The following FGF1 variants were observed in gnomAD, a reference collection of about 807,000 sequenced individuals.
FGF1 encodes the protein beta-endothelial cell growth factor.
Under a neutral mutation model 13.4 loss-of-function variants are expected in FGF1, and 9 were observed. The ratio of observed to expected loss-of-function variants is 0.67; its 90% confidence interval spans 0.40 to 1.17. The LOEUF (loss-of-function observed/expected upper bound fraction) is 1.17. FGF1 is among the 50% of genes most tolerant of loss of function. The probability of loss-of-function intolerance (pLI) is 0.01; values close to 1 mark genes in which losing one functional copy is unlikely to be tolerated. For synonymous variants in FGF1, 93 were observed against 79.0 expected, an observed-to-expected ratio of 1.18 and a Z score of -0.94; for missense variants, 156 against 192.7, an observed-to-expected ratio of 0.81 and a Z score of 1.13.
At chr5:142,628,721 T>C (rs1291723505) in intron 1 of FGF1, among the ~76,000 whole-genome samples, 2 of 152,214 alleles carry the variant, frequency 1.3e-5, no homozygotes, top group Non-Finnish European at 2.9e-5. Flanking sequence ...CACTGCCCCC[T>C]GTCATGTTTA....
chr5:142,670,997 C>A (rs1289841616), intron 1 of FGF1, among the ~76,000 whole-genome samples: 1 of 152,172 alleles, frequency 6.6e-6, no homozygotes, highest in South Asian at 2.1e-4. Context: ...CTACACAATT[C>A]CACCAGGATC....
In FGF1 at chr5:142,651,033, C is replaced by T. The variant is rs17223332; in HGVS notation, c.-35+34924G>A. 3.5e-3 allele frequency among the ~76,000 whole-genome samples: 540 copies of T among 152,222 alleles called. 4 individuals are homozygous for T. Among genetic ancestry groups the T allele is most frequent in the African/African-American group, 0.011 (475 of 41,540 alleles). ...TGTGTTAATGGGAGGGTGGTGCAAACGCAGCTTCAATGTCTCCTCCCTATT... is the reference window on the plus strand; with the variant it reads ...TGTGTTAATGGGAGGGTGGTGCAAATGCAGCTTCAATGTCTCCTCCCTATT... On this transcript the variant is annotated intron_variant, in intron 1 of 3. Coordinates refer to ENST00000337706, the MANE Select transcript of FGF1 (RefSeq NM_000800.5).
chr5:142,625,390 T>G (rs1762290600), intron 1 of FGF1, among the ~76,000 whole-genome samples: 1 of 152,080 alleles, frequency 6.6e-6, no homozygotes, highest in Non-Finnish European at 1.5e-5. Flanking sequence ...CTTGATTCTG[T>G]ATGTTTTTTC....
intron 1 of FGF1, among the ~76,000 whole-genome samples, chr5:142,675,333 G>A (rs748394023): frequency 1.3e-5 from 2 of 152,146 alleles, no homozygotes; most frequent in Admixed American, 6.5e-5. Context: ...GTGAAAGGAT[G>A]GGCTGAGGGG....
At chr5:142,619,661 C>T (rs953571029) in intron 1 of FGF1, among the ~76,000 whole-genome samples, 1 of 152,016 alleles carries the variant, frequency 6.6e-6, no homozygotes, top group African/African-American at 2.4e-5. Flanking sequence ...TGGAGAAACC[C>T]CGTCTCTACT....
At chr5:142,630,097 T>C in intron 1 of FGF1, among the ~76,000 whole-genome samples, 1 of 152,046 alleles carries the variant, frequency 6.6e-6, no homozygotes, top group East Asian at 1.9e-4. Context: ...TCTCACCATG[T>C]TAGCCAGGAT....
chr5:142,674,610 C>T (rs762446335), intron 1 of FGF1, among the ~76,000 whole-genome samples: 20 of 152,238 alleles, frequency 1.3e-4, no homozygotes, highest in East Asian at 5.8e-4. Flanking sequence ...GATGTGGGAC[C>T]GGCCAGGAAG....
At chr5:142,622,375 C>T (rs1761793416) in intron 1 of FGF1, among the ~76,000 whole-genome samples, 1 of 152,174 alleles carries the variant, frequency 6.6e-6, no homozygotes, top group Non-Finnish European at 1.5e-5. Context: ...AACATCTTAT[C>T]AGACTACCTA....
intron 2 of FGF1, among the ~76,000 whole-genome samples, chr5:142,696,143 G>A (rs1753077627): frequency 6.6e-6 from 1 of 152,152 alleles, no homozygotes; most frequent in Non-Finnish European, 1.5e-5. Flanking sequence ...GGATCTCTAG[G>A]AATAACATGC....
chr5:142,689,073 A>G (rs557456143), upstream of FGF1, among the ~76,000 whole-genome samples: 3 of 152,364 alleles, frequency 2.0e-5, no homozygotes, highest in East Asian at 5.8e-4. Flanking sequence ...CTCTCCAGGC[A>G]GAACATAAGC....
intron 1 of FGF1, among the ~76,000 whole-genome samples, chr5:142,662,650 A>T (rs756142524): frequency 1.1e-4 from 16 of 152,282 alleles, no homozygotes; most frequent in Non-Finnish European, 1.8e-4. Flanking sequence ...TCATTCATTC[A>T]TTCAGCACAT....
upstream of FGF1, among the ~76,000 whole-genome samples, chr5:142,689,564 C>T (rs1464137214): frequency 6.6e-6 from 1 of 152,142 alleles, no homozygotes; most frequent in Non-Finnish European, 1.5e-5. Flanking sequence ...TTGCCCGCCG[C>T]TGGTTAGCCT....
chr5:142,592,615 C>T lies in FGF1; in HGVS notation c.*2675G>A, dbSNP rs979129505. 1.5e-5 allele frequency: 6 copies of T among 395,320 alleles called. No individual in the cohort carries two copies. The highest frequency in any genetic ancestry group is 2.7e-5 in the Non-Finnish European group (6 of 224,498). The allele number at this position is 395,320 out of a possible 1,614,324, so 24.5% of individuals were successfully genotyped here. A position where few individuals can be genotyped will look rare whatever the true frequency, so the allele number is the denominator to read the frequency against. On this transcript the variant is annotated 3_prime_UTR_variant, in exon 4 of 4. Transcript: ENST00000337706. ...CTTAAGACAGCAATGGGAATGTCCC[C>T]AGGTTAATAAACTAGAGCATGTTCA...
At chr5:142,619,070 G>C (rs1760910065) in intron 1 of FGF1, among the ~76,000 whole-genome samples, 1 of 151,742 alleles carries the variant, frequency 6.6e-6, no homozygotes, top group Non-Finnish European at 1.5e-5. Context: ...GAGTAGCTGG[G>C]ACTACAGGCG....
At chr5:142,612,458 G>A (rs974415265) in intron 2 of FGF1, among the ~76,000 whole-genome samples, 1 of 152,162 alleles carries the variant, frequency 6.6e-6, no homozygotes, top group Admixed American at 6.5e-5. Flanking sequence ...TGGTTAAGAC[G>A]TATTAGGAAC....
At chr5:142,692,384 G>C (rs1456135387) in intron 2 of FGF1, among the ~76,000 whole-genome samples, 1 of 152,072 alleles carries the variant, frequency 6.6e-6, no homozygotes, top group African/African-American at 2.4e-5. Context: ...GACCCAAGAG[G>C]AACCATTGAG....
chr5:142,629,829 T>A (rs1024021372), intron 1 of FGF1, among the ~76,000 whole-genome samples: 2 of 148,518 alleles, frequency 1.3e-5, no homozygotes, highest in African/African-American at 4.9e-5. Context: ...TTAAATTGGA[T>A]TTTTGAAAAA....
intron 1 of FGF1, among the ~76,000 whole-genome samples, chr5:142,684,496 G>A (rs527511178): frequency 2.0e-5 from 3 of 152,298 alleles, no homozygotes; most frequent in Admixed American, 6.5e-5. Context: ...AACAAAGGCA[G>A]GGGCAACAGA....
upstream of FGF1, among the ~76,000 whole-genome samples, chr5:142,690,931 C>G (rs1226845300): frequency 6.6e-6 from 1 of 152,184 alleles, no homozygotes; most frequent in Non-Finnish European, 1.5e-5. Flanking sequence ...ATTCCCTCTG[C>G]CCAGAATTAT....
Sources: gnomAD v4.1 joint callset for allele counts (sites outside exome capture counted in the v4.1 genomes callset) on GRCh38, gnomAD v4.1.1 for gene constraint, MANE v1.5 for transcripts, NCBI Gene and HGNC (gene_info 2026-07-23, HGNC 2026-07-21) for gene names.